The following TP63 variants were observed in gnomAD, a reference collection of about 807,000 sequenced individuals.
TP63 encodes tumor protein 63.
In TP63, 17 loss-of-function variants were observed where a neutral mutation model predicts 82.8. The observed-to-expected ratio is 0.21, with a 90% CI of 0.14 to 0.31. The LOEUF is 0.31. Among genes scored for constraint, TP63 ranks in the 10% least tolerant of loss-of-function variants. The probability of loss-of-function intolerance (pLI) is 1.00; values close to 1 mark genes in which losing one functional copy is unlikely to be tolerated. For synonymous variants in TP63, 330 were observed against 321.7 expected (o/e 1.03, Z -0.28); for missense variants, 648 against 895.3 (o/e 0.72, Z 3.52).
intron 1 of TP63, among the ~76,000 whole-genome samples, chr3:189,717,604 A>G (rs1279847435): frequency 6.6e-6 from 1 of 152,192 alleles, no homozygotes; most frequent in Non-Finnish European, 1.5e-5. Context: ...AAAATCTGAA[A>G]TTAGGATTGT....
chr3:189,623,375 T>G, the TP63 span, among the ~76,000 whole-genome samples: 28 of 152,334 alleles, frequency 1.8e-4, no homozygotes, highest in African/African-American at 6.7e-4. Context: ...TCATGAATAC[T>G]GTAAACATAT....
At chr3:189,645,127 C>G (rs1712295633) in intron 1 of TP63, among the ~76,000 whole-genome samples, 1 of 152,154 alleles carries the variant, frequency 6.6e-6, no homozygotes, top group Non-Finnish European at 1.5e-5. Context: ...TCCACAAGTA[C>G]TAAGTTGAAT....
chr3:189,753,999 T>C lies in TP63; in HGVS notation c.324+15225T>C, dbSNP rs962809718. ...ATATATATTTCTGTACATTGAAAAC[T>C]TCATCAGATGCTTATAATTTTTACT... On this transcript the variant is annotated intron_variant, in intron 3 of 13. Transcript: ENST00000264731. 5.9e-5 allele frequency among the ~76,000 whole-genome samples: 9 copies of C among 152,228 alleles called. No individual in the cohort carries two copies. The East Asian group carries it at 1.7e-3, about 29-fold the overall frequency.
chr3:189,763,570 T>C (rs1055537209), intron 3 of TP63, among the ~76,000 whole-genome samples: 2 of 152,146 alleles, frequency 1.3e-5, no homozygotes, highest in African/African-American at 2.4e-5. Context: ...AAAGTAAAGC[T>C]GTAAAGAGCA....
chr3:189,774,703 A>C (rs1184614548), intron 3 of TP63, among the ~76,000 whole-genome samples: 1 of 152,188 alleles, frequency 6.6e-6, no homozygotes, highest in African/African-American at 2.4e-5. Context: ...AATTGTAAAA[A>C]TAGAGTTTCC....
rs572278030 is a variant in TP63 at position 189,663,071 on chromosome 3, T to A, written c.62+31494T>A. The stretch of plus-strand genomic sequence containing the variant: ...AAACATTTTAGAGTTTTGATCATAT[T>A]TTTAAAATTATCAGTTACCCACAAA... On this transcript the variant is annotated intron_variant, in intron 1 of 13. Coordinates refer to ENST00000264731, the MANE Select transcript of TP63 (RefSeq NM_003722.5). Among the ~76,000 whole-genome samples, 21 of 152,238 alleles carry A rather than the reference T, an allele frequency of 1.4e-4. No individual in the cohort carries two copies. In the South Asian group the frequency reaches 1.9e-3, roughly 14 times the overall value.
At chr3:189,672,611 T>C (rs1281401508) in intron 1 of TP63, among the ~76,000 whole-genome samples, 3 of 68,130 alleles carry the variant, frequency 4.4e-5, no homozygotes, top group Admixed American at 1.9e-4. Context: ...CAAATAAAGA[T>C]AGAAAGAAAA....
intron 1 of TP63, among the ~76,000 whole-genome samples, chr3:189,633,957 G>C (rs1324171186): frequency 2.0e-5 from 3 of 152,042 alleles, no homozygotes; most frequent in Non-Finnish European, 4.4e-5. Context: ...TTTGTCATGT[G>C]TTTTAAGGAC....
At chr3:189,650,017 T>C (rs1291125807) in intron 1 of TP63, among the ~76,000 whole-genome samples, 1 of 147,388 alleles carries the variant, frequency 6.8e-6, no homozygotes, top group African/African-American at 2.5e-5. Context: ...TGAGAATTTA[T>C]GGTGCTATGT....
intron 4 of TP63, among the ~76,000 whole-genome samples, chr3:189,822,871 G>A (rs1305127946): frequency 3.3e-5 from 5 of 152,182 alleles, no homozygotes; most frequent in African/African-American, 1.2e-4. Context: ...GCCACAGGAA[G>A]GCAGATTGCA....
Position 189,873,061 on chromosome 3 carries a change from G to T in TP63, c.1349+66G>T, listed in dbSNP as rs34372553. On this transcript the variant is annotated intron_variant, in intron 10 of 13. Transcript: ENST00000264731. ...GGTGACTTTATTTGGATCAGCAATA[G>T]GGTGATTGATGAGCAATGTGGAACA... 3 of 1,608,000 alleles carry T rather than the reference G, an allele frequency of 1.9e-6. No individual in the cohort carries two copies. In the African/African-American group the frequency reaches 4.0e-5, roughly 21 times the overall value.
intron 9 of TP63, among the ~76,000 whole-genome samples, chr3:189,869,873 T>C (rs1352250590): frequency 6.6e-6 from 1 of 152,064 alleles, no homozygotes; most frequent in Non-Finnish European, 1.5e-5. Flanking sequence ...CAGTCCATAA[T>C]GGGGAAGAGG....
At chr3:189,606,098 TAGAGG>T in the TP63 span, among the ~76,000 whole-genome samples, 4 of 152,150 alleles carry the variant, frequency 2.6e-5, no homozygotes, top group Admixed American at 6.5e-5. Flanking sequence ...AACCACATGG[TAGAGG>T]AAAGAAACAT....
At chr3:189,767,903 ACCCTCT>A (rs1232750810) in intron 3 of TP63, among the ~76,000 whole-genome samples, 2 of 151,950 alleles carry the variant, frequency 1.3e-5, no homozygotes, top group African/African-American at 4.8e-5. Flanking sequence ...CATGTCACTA[ACCCTCT>A]CTAGTGTCAG....
At chr3:189,599,197 C>T in the TP63 span, among the ~76,000 whole-genome samples, 3 of 152,134 alleles carry the variant, frequency 2.0e-5, no homozygotes, top group Non-Finnish European at 2.9e-5. Flanking sequence ...CCTCATTGTT[C>T]TGTTTCTGTT....
chr3:189,719,322 G>T (rs1226632487), intron 1 of TP63, among the ~76,000 whole-genome samples: 2 of 152,108 alleles, frequency 1.3e-5, no homozygotes, highest in Non-Finnish European at 1.5e-5. Context: ...TTAGTTATAA[G>T]CTTCCTAATC....
At chr3:189,665,065 A>C (rs1164010201) in intron 1 of TP63, among the ~76,000 whole-genome samples, 1 of 152,146 alleles carries the variant, frequency 6.6e-6, no homozygotes, top group African/African-American at 2.4e-5. Flanking sequence ...ATCACTTCTT[A>C]ATTCTTTTAC....
chr3:189,765,980 G>A (rs1358274711), intron 3 of TP63, among the ~76,000 whole-genome samples: 1 of 152,158 alleles, frequency 6.6e-6, no homozygotes, highest in Non-Finnish European at 1.5e-5. Context: ...TATGTTGCTA[G>A]GATTCCTCTT....
chr3:189,846,184 C>G (rs1178594951), intron 4 of TP63, among the ~76,000 whole-genome samples: 2 of 152,000 alleles, frequency 1.3e-5, no homozygotes, highest in African/African-American at 4.8e-5. Context: ...ACTTGTTTTC[C>G]AAAATCCCCT....
Sources: gnomAD v4.1 joint callset for allele counts (sites outside exome capture counted in the v4.1 genomes callset) on GRCh38, gnomAD v4.1.1 for gene constraint, MANE v1.5 for transcripts, NCBI Gene and HGNC (gene_info 2026-07-23, HGNC 2026-07-21) for gene names.